Variants in LRP1B observed in about 807,000 individuals in gnomAD.
LRP1B encodes the protein LDL receptor related protein 1B, also known as low-density lipoprotein receptor-related protein 1B.
A neutral mutation model predicts 556.6 loss-of-function variants in LRP1B; 217 were observed. The observed-to-expected ratio is 0.39, with a 90% CI of 0.35 to 0.44. LRP1B has a LOEUF of 0.44. Ranked by LOEUF, LRP1B falls within the 20% of genes least tolerant of loss-of-function variation. The pLI, the probability that LRP1B is intolerant of heterozygous loss-of-function variation, is 1.00. For missense variants in LRP1B, 5,053 were observed against 5,620.8 expected (o/e 0.90, Z 3.23); for synonymous variants, 2,047 against 1,865.8 (o/e 1.10, Z -2.50).
At chr2:142,059,982 G>T (rs1472226825) in intron 1 of LRP1B, among the ~76,000 whole-genome samples, 2 of 151,998 alleles carry the variant, frequency 1.3e-5, no homozygotes, top group African/African-American at 2.4e-5. Flanking sequence ...TATATCATGT[G>T]TTTGGAAACA....
At chr2:140,589,066 G>T (rs1682112100) in intron 43 of LRP1B, among the ~76,000 whole-genome samples, 1 of 151,720 alleles carries the variant, frequency 6.6e-6, no homozygotes, top group Non-Finnish European at 1.5e-5. Context: ...AATTACGAAT[G>T]TAAATGTGAA....
chr2:140,566,165 T>C (rs528385034), intron 43 of LRP1B, among the ~76,000 whole-genome samples: 1 of 152,238 alleles, frequency 6.6e-6, no homozygotes, highest in Non-Finnish European at 1.5e-5. Context: ...CTGCCCAGTG[T>C]CCTGACATTC....
chr2:140,435,090 T>C (rs533849315), intron 66 of LRP1B, among the ~76,000 whole-genome samples: 1 of 152,290 alleles, frequency 6.6e-6, no homozygotes, highest in South Asian at 2.1e-4. Flanking sequence ...TTACAAATGC[T>C]AGAATATTCT....
intron 2 of LRP1B, among the ~76,000 whole-genome samples, chr2:141,775,597 C>T (rs747344899): frequency 3.3e-5 from 5 of 152,110 alleles, no homozygotes; most frequent in Non-Finnish European, 4.4e-5. Flanking sequence ...TATAGGTGCA[C>T]TTGAGGGTTA....
At chr2:140,765,132 T>C (rs1488539161) in intron 35 of LRP1B, among the ~76,000 whole-genome samples, 2 of 152,086 alleles carry the variant, frequency 1.3e-5, no homozygotes, top group Non-Finnish European at 2.9e-5. Flanking sequence ...GCTGGACCCT[T>C]GTTTATCTTC....
intron 1 of LRP1B, among the ~76,000 whole-genome samples, chr2:141,971,141 G>GA (rs1701721579): frequency 6.6e-6 from 1 of 151,440 alleles, no homozygotes; most frequent in Non-Finnish European, 1.5e-5. Context: ...TACAATGCAA[G>GA]AATCAAAGAA....
intron 2 of LRP1B, among the ~76,000 whole-genome samples, chr2:141,669,436 T>G (rs774193178): frequency 6.6e-6 from 1 of 152,138 alleles, no homozygotes; most frequent in African/African-American, 2.4e-5. Flanking sequence ...TGCTTTGTTA[T>G]GGCTTCCCTA....
intron 2 of LRP1B, among the ~76,000 whole-genome samples, chr2:141,540,204 C>A (rs1574059529): frequency 6.6e-6 from 1 of 151,982 alleles, no homozygotes; most frequent in Non-Finnish European, 1.5e-5. Context: ...CCTAAAGTCA[C>A]ACAATTAAAA....
At chr2:142,004,067 G>A (rs1702735596) in intron 1 of LRP1B, among the ~76,000 whole-genome samples, 2 of 152,222 alleles carry the variant, frequency 1.3e-5, no homozygotes, top group Non-Finnish European at 2.9e-5. Flanking sequence ...TATGTTCCAA[G>A]GTCCTATGGC....
chr2:140,916,797 T>C (rs1216430198), intron 21 of LRP1B, among the ~76,000 whole-genome samples: 1 of 152,192 alleles, frequency 6.6e-6, no homozygotes, highest in Non-Finnish European at 1.5e-5. Flanking sequence ...CAATAGTTTC[T>C]TGTGAATGAA....
At chr2:141,841,674 A>G (rs1384165499) in intron 1 of LRP1B, among the ~76,000 whole-genome samples, 1 of 152,212 alleles carries the variant, frequency 6.6e-6, no homozygotes, top group African/African-American at 2.4e-5. Context: ...GCAACAACCA[A>G]AACTTCAGCC....
chr2:140,321,780 G>GAATAAATT (rs1573787079), intron 82 of LRP1B, among the ~76,000 whole-genome samples, 183 bp downstream of exon 82: 2 of 152,186 alleles, frequency 1.3e-5, no homozygotes, highest in East Asian at 1.9e-4. Context: ...GTGAATAAAT[G>GAATAAATT]CAGAATGAAT....
In LRP1B at chr2:141,056,136, T is replaced by A. The variant is rs1038369921; in HGVS notation, c.1409-877A>T. ...TTTTAAAAATTATGCCTATTATCTTTGTATTCTTCATTCTCCAAGTCAGAA... is the reference window on the plus strand; with the variant it reads ...TTTTAAAAATTATGCCTATTATCTTAGTATTCTTCATTCTCCAAGTCAGAA... On this transcript the variant is annotated intron_variant, in intron 9 of 90. Coordinates refer to ENST00000389484, the MANE Select transcript of LRP1B (RefSeq NM_018557.3). Among the ~76,000 whole-genome samples the A allele has an allele frequency of 3.3e-5, 5 of 152,054 alleles. No individual in the cohort carries two copies. In the Middle Eastern group the frequency reaches 0.017, roughly 517 times the overall value.
chr2:141,043,378 C>T (rs944190723), intron 11 of LRP1B, among the ~76,000 whole-genome samples: 7 of 151,840 alleles, frequency 4.6e-5, no homozygotes, highest in Non-Finnish European at 8.8e-5. Flanking sequence ...ATTGAATCTT[C>T]ATCAATGCCA....
At chr2:141,678,732 T>C (rs1011581971) in intron 2 of LRP1B, among the ~76,000 whole-genome samples, 1 of 152,108 alleles carries the variant, frequency 6.6e-6, no homozygotes, top group Non-Finnish European at 1.5e-5. Context: ...AGGTAATTAA[T>C]TCATAAAACA....
intron 3 of LRP1B, among the ~76,000 whole-genome samples, chr2:141,349,275 A>T (rs1462305834): frequency 6.6e-6 from 1 of 152,080 alleles, no homozygotes; most frequent in African/African-American, 2.4e-5. Context: ...AAAAATGAAA[A>T]TGTGTGAAAC....
intron 41 of LRP1B, among the ~76,000 whole-genome samples, chr2:140,691,126 A>G (rs911131160): frequency 2.0e-5 from 3 of 152,214 alleles, no homozygotes; most frequent in Non-Finnish European, 4.4e-5. Context: ...CAATAAGCAC[A>G]TAGCCCTTTT....
At chr2:141,019,617 G>T (rs1200316974) in intron 12 of LRP1B, among the ~76,000 whole-genome samples, 1 of 151,822 alleles carries the variant, frequency 6.6e-6, no homozygotes, top group African/African-American at 2.4e-5. Context: ...TGATTCTCTG[G>T]TTGAATTGAT....
At chr2:141,330,295 T>C (rs1687592657) in intron 3 of LRP1B, among the ~76,000 whole-genome samples, 1 of 152,156 alleles carries the variant, frequency 6.6e-6, no homozygotes, top group Non-Finnish European at 1.5e-5. Context: ...TTTATACAAT[T>C]TTCAGTAAGT....
Sources: allele counts gnomAD v4.1 joint callset (sites outside exome capture counted in the v4.1 genomes callset), GRCh38; gene constraint gnomAD v4.1.1; transcripts MANE v1.5; gene names NCBI Gene and HGNC (gene_info 2026-07-23, HGNC 2026-07-21).